Variants in ALMS1 observed in about 807,000 individuals in gnomAD.
The protein encoded by ALMS1 is ALMS1 centrosome and basal body associated protein, also known as centrosome-associated protein ALMS1.
Under a neutral mutation model 352.2 loss-of-function variants are expected in ALMS1, and 271 were observed. That is an observed-to-expected ratio of 0.77 (90% CI 0.70 to 0.85). The LOEUF (loss-of-function observed/expected upper bound fraction) is 0.85. ALMS1 is among the 40% of genes least tolerant of loss of function. ALMS1 has a pLI of 0.00. For missense variants in ALMS1, 5,445 were observed against 4,870.7 expected (o/e 1.12, Z -3.51); for synonymous variants, 1,865 against 1,761.2 (o/e 1.06, Z -1.48).
chr2:73,452,221 TAGAG>T lies in ALMS1; in HGVS notation c.5698_5701del (p.Glu1900ArgfsTer18), dbSNP rs1558650438. ...TAGCATCCTCTAGTTCCTACTCAAATAGAGAGAAGGCCAGTATTTTTCATCAGCA... is the reference window on the plus strand; with the variant it reads ...TAGCATCCTCTAGTTCCTACTCAAATAGAAGGCCAGTATTTTTCATCAGCA... On this transcript the variant is annotated frameshift_variant, in exon 8 of 23. Transcript: ENST00000613296. LOFTEE classifies it high-confidence loss of function. 1 of 1,613,998 alleles carries T rather than the reference TAGAG, an allele frequency of 6.2e-7. No homozygotes were observed. Among genetic ancestry groups the T allele is most frequent in the Admixed American group, 1.7e-5 (1 of 59,978 alleles).
At chr2:73,426,701 A>C in intron 6 of ALMS1, 148 bp downstream of exon 6, 1 of 794,352 alleles carries the variant, frequency 1.3e-6, no homozygotes, top group Non-Finnish European at 2.1e-6. Flanking sequence ...TTGAGCTAGC[A>C]GCTTTAGAGA....
At chr2:73,417,899 A>G (rs1233501386) in intron 2 of ALMS1, among the ~76,000 whole-genome samples, 1 of 152,196 alleles carries the variant, frequency 6.6e-6, no homozygotes, top group Non-Finnish European at 1.5e-5. Context: ...CAGCATTGTT[A>G]TTTAGTGTGA....
At chr2:73,597,575 AT>A (rs758892440) in intron 16 of ALMS1, among the ~76,000 whole-genome samples, 5 of 152,090 alleles carry the variant, frequency 3.3e-5, no homozygotes, top group African/African-American at 7.2e-5. Context: ...ATAAAAATAT[AT>A]TTTTTAACAT....
intron 12 of ALMS1, among the ~76,000 whole-genome samples, chr2:73,545,409 G>A (rs367553903): frequency 2.0e-5 from 3 of 152,194 alleles, no homozygotes; most frequent in Admixed American, 6.5e-5. Context: ...TCAAACTCCT[G>A]ACCTCAAGTG....
In ALMS1 at chr2:73,478,471, T is replaced by C. The variant is rs1049662525; in HGVS notation, c.7675-11163T>C. ...AGTATAAATCTACTCATGCATACTT[T>C]TAAGAGGCTGGAATAGGTTTATGTT... is the stretch of plus-strand genomic sequence containing the variant. On this transcript the variant is annotated intron_variant, in intron 9 of 22. Transcript: ENST00000613296. Among the ~76,000 whole-genome samples, 10 of 152,244 alleles carry C rather than the reference T, an allele frequency of 6.6e-5. No homozygotes were observed. In the South Asian group the frequency reaches 1.2e-3, roughly 19 times the overall value.
chr2:73,534,970 G>C, intron 12 of ALMS1, 21 bp downstream of exon 12: 1 of 1,613,172 alleles, frequency 6.2e-7, no homozygotes, highest in South Asian at 1.1e-5. Context: ...GAAATTATTC[G>C]AAGTTTTATT....
Position 73,490,529 on chromosome 2 carries a change from A to G in ALMS1, c.8570A>G (p.Asn2857Ser), listed in dbSNP as rs10193972. The G allele has an allele frequency of 0.26, 412,339 of 1,613,888 alleles. 65,469 individuals are homozygous for G. The highest frequency in any genetic ancestry group is 0.76 in the African/African-American group (56,998 of 74,974). The change falls in exon 10 of 23, where the codon AAC (asparagine) becomes AGC (serine). Residue 2857 changes from asparagine (N) to serine (S), a missense_variant. Coordinates refer to ENST00000613296, the MANE Select transcript of ALMS1 (RefSeq NM_001378454.1). Reference sequence around the variant, plus strand: ...AGACCAAGTTCCACCCTAGGAGTAAACAGATCGAGTTCCAGACTAGGAGTA... The same window carrying G: ...AGACCAAGTTCCACCCTAGGAGTAAGCAGATCGAGTTCCAGACTAGGAGTA... ...MGRPSSTLGV[N>S]RSSSRLGVKE...
At position 73,590,968 on chromosome 2, in the gene ALMS1, G is replaced by A. The variant is rs189313970; in HGVS notation, c.11548-8433G>A. ...TGGAATTACAGGCGTGAGCCACCGC[G>A]CCCGGCCCCTTTTTTTTCTTTTTTA... On this transcript the variant is annotated intron_variant, in intron 16 of 22. Coordinates refer to ENST00000613296, the MANE Select transcript of ALMS1 (RefSeq NM_001378454.1). Among the ~76,000 whole-genome samples, 79 of 151,932 alleles carry A rather than the reference G, an allele frequency of 5.2e-4. No homozygotes were observed. The East Asian group carries it at 8.3e-3, about 16-fold the overall frequency.
intron 10 of ALMS1, among the ~76,000 whole-genome samples, chr2:73,512,505 C>A (rs1673473936): frequency 6.6e-6 from 1 of 151,810 alleles, no homozygotes; most frequent in African/African-American, 2.4e-5. Flanking sequence ...TGCCCATTTA[C>A]TATCTATATG....
chr2:73,573,494 C>T, intron 16 of ALMS1, 70 bp downstream of exon 16: 1 of 1,533,184 alleles, frequency 6.5e-7, no homozygotes, highest in Non-Finnish European at 9.0e-7. Flanking sequence ...AAGCTTTGCA[C>T]ACAGGTGAAA....
intron 11 of ALMS1, among the ~76,000 whole-genome samples, chr2:73,527,647 C>T (rs1673819607): frequency 6.6e-6 from 1 of 151,774 alleles, no homozygotes; most frequent in South Asian, 2.1e-4. Context: ...TTACATGAGT[C>T]TTCTATTTTT....
At chr2:73,396,163 TAA>T (rs1403529974) in intron 1 of ALMS1, among the ~76,000 whole-genome samples, 3 of 152,150 alleles carry the variant, frequency 2.0e-5, no homozygotes, top group Non-Finnish European at 2.9e-5. Flanking sequence ...CCTAATTTCT[TAA>T]GTGTTTTTAA....
intron 10 of ALMS1, among the ~76,000 whole-genome samples, chr2:73,495,696 C>T (rs996871524): frequency 6.6e-6 from 1 of 152,084 alleles, no homozygotes; most frequent in South Asian, 2.1e-4. Context: ...TATGTGTATA[C>T]TCATATCTGT....
intron 12 of ALMS1, among the ~76,000 whole-genome samples, chr2:73,544,991 A>T (rs1043877684): frequency 6.6e-6 from 1 of 152,104 alleles, no homozygotes; most frequent in Admixed American, 6.6e-5. Context: ...ATTCATGGAG[A>T]CACAAAGTAG....
intron 2 of ALMS1, among the ~76,000 whole-genome samples, chr2:73,416,348 G>A (rs1410747533): frequency 1.3e-5 from 2 of 152,166 alleles, no homozygotes; most frequent in African/African-American, 4.8e-5. Flanking sequence ...AGAAGGGATT[G>A]AGGTATTTTG....
Position 73,608,413 on chromosome 2 carries a change from T to A in ALMS1, c.12363-62T>A, listed in dbSNP as rs1003091383. ...TAGGGAGGGATGATGAGAGGAGATCTCATGACTCTGCACCCTGGTAACCTC... is the reference window on the plus strand; with the variant it reads ...TAGGGAGGGATGATGAGAGGAGATCACATGACTCTGCACCCTGGTAACCTC... On this transcript the variant is annotated intron_variant, in intron 21 of 22. Transcript: ENST00000613296. 1.7e-5 allele frequency: 22 copies of A among 1,326,034 alleles called. No homozygotes were observed. The African/African-American group carries it at 2.7e-4, about 17-fold the overall frequency. The allele number at this position is 1,326,034 out of a possible 1,614,324, so 82.1% of individuals were successfully genotyped here. A position where few individuals can be genotyped will look rare whatever the true frequency, so the allele number is the denominator to read the frequency against.
chr2:73,413,042 C>T (rs1671110231), intron 2 of ALMS1, among the ~76,000 whole-genome samples: 1 of 150,404 alleles, frequency 6.6e-6, no homozygotes, highest in Admixed American at 6.6e-5. Flanking sequence ...ATTGGTGTCT[C>T]ACTGTGATTT....
chr2:73,559,921 T>G (rs1674622370), intron 15 of ALMS1, among the ~76,000 whole-genome samples: 1 of 152,108 alleles, frequency 6.6e-6, no homozygotes, highest in South Asian at 2.1e-4. Context: ...CTTAAAACCA[T>G]AAAACTCCCA....
rs780495022 is a variant in ALMS1 at position 73,424,747 on chromosome 2, T to C, written c.1082T>C (p.Leu361Ser). Residue 361 changes from leucine to serine, a missense_variant, in exon 5 of 23, where the codon TTA becomes TCA. Coordinates refer to ENST00000613296, the MANE Select transcript of ALMS1 (RefSeq NM_001378454.1). ...GATACACAGTGGCCTGAAAACAATTTAGCTGATAAAGATCAAGTTTCAGTT... is the reference window on the plus strand; with the variant it reads ...GATACACAGTGGCCTGAAAACAATTCAGCTGATAAAGATCAAGTTTCAGTT... ...RKDTQWPENNLADKDQVSVAT... is the reference protein window; with the variant it reads ...RKDTQWPENNSADKDQVSVAT... 2 of 1,614,034 alleles carry C rather than the reference T, an allele frequency of 1.2e-6. No individual in the cohort carries two copies. Among genetic ancestry groups the C allele is most frequent in the South Asian group, 2.2e-5 (2 of 91,070 alleles).
Sources: gnomAD v4.1 joint callset for allele counts (sites outside exome capture counted in the v4.1 genomes callset) on GRCh38, gnomAD v4.1.1 for gene constraint, MANE v1.5 for transcripts, NCBI Gene and HGNC (gene_info 2026-07-23, HGNC 2026-07-21) for gene names.